Variants in LRRTM4 observed in about 807,000 individuals in gnomAD.
LRRTM4 encodes the protein leucine rich repeat transmembrane neuronal 4, also known as leucine-rich repeat transmembrane neuronal protein 4.
A neutral mutation model predicts 47.6 loss-of-function variants in LRRTM4; 25 were observed. That is an observed-to-expected ratio of 0.53 (90% confidence interval 0.38 to 0.73). The LOEUF is 0.73. Ranked by LOEUF, LRRTM4 falls within the 30% of genes least tolerant of loss-of-function variation. The probability of loss-of-function intolerance (pLI) is 0.00; values close to 1 mark genes in which losing one functional copy is unlikely to be tolerated. For missense variants in LRRTM4, 638 were observed against 713.4 expected (o/e 0.89, Z 1.20); for synonymous variants, 311 against 269.5 (o/e 1.15, Z -1.51).
chr2:77,346,335 T>G (rs548066764), intron 3 of LRRTM4, among the ~76,000 whole-genome samples: 115 of 152,248 alleles, frequency 7.6e-4, no homozygotes, highest in Middle Eastern at 3.4e-3. Context: ...AGATAATTCA[T>G]AGAAAACTAA....
chr2:76,781,630 A>ACCCACTGACCTGCG (rs1674398107), intron 3 of LRRTM4, among the ~76,000 whole-genome samples: 1 of 152,170 alleles, frequency 6.6e-6, no homozygotes, highest in African/African-American at 2.4e-5. Flanking sequence ...TGGTGCGCGC[A>ACCCACTGACCTGCG]CCCACTGACC....
intron 3 of LRRTM4, among the ~76,000 whole-genome samples, chr2:76,798,325 C>G (rs900802634): frequency 2.0e-5 from 3 of 152,116 alleles, no homozygotes; most frequent in Admixed American, 6.5e-5. Flanking sequence ...TACATGGAAA[C>G]TGAACAACCT....
At position 77,457,007 on chromosome 2, in the gene LRRTM4, T is replaced by C. The variant is rs1325327420; in HGVS notation, c.1551+61311A>G. 7.0e-3 allele frequency among the ~76,000 whole-genome samples: 30 copies of C among 4,300 alleles called. 1 individual carries two copies. The highest frequency in any genetic ancestry group is 0.029 in the African/African-American group (30 of 1,024). 2.8% of individuals were successfully genotyped at this position (4,300 alleles called of 152,430 possible). A position where few individuals can be genotyped will look rare whatever the true frequency, so the allele number is the denominator to read the frequency against. ...ATATTAGTGTATGTGTGTGTGTGTA[T>C]ATATATATATATATATATATATATA... On this transcript the variant is annotated intron_variant, in intron 3 of 3. Transcript: ENST00000409884.
intron 3 of LRRTM4, among the ~76,000 whole-genome samples, chr2:77,188,998 C>A (rs940065725): frequency 6.6e-6 from 1 of 152,088 alleles, no homozygotes; most frequent in African/African-American, 2.4e-5. Context: ...ATTTTATGAA[C>A]ATGGAAGCCA....
At chr2:77,466,907 C>T (rs1207977070) in intron 3 of LRRTM4, among the ~76,000 whole-genome samples, 2 of 151,900 alleles carry the variant, frequency 1.3e-5, no homozygotes, top group Non-Finnish European at 1.5e-5. Flanking sequence ...CCATGTTGGC[C>T]AGGCTGGTCT....
chr2:76,934,694 G>A (rs1385423555), intron 3 of LRRTM4, among the ~76,000 whole-genome samples: 5 of 152,308 alleles, frequency 3.3e-5, no homozygotes, highest in African/African-American at 9.6e-5. Flanking sequence ...AAACTGGCAT[G>A]AGTTGGAAAC....
At chr2:77,299,739 G>A (rs1202266428) in intron 3 of LRRTM4, among the ~76,000 whole-genome samples, 1 of 151,510 alleles carries the variant, frequency 6.6e-6, no homozygotes, top group African/African-American at 2.4e-5. Context: ...TCCATCATAA[G>A]TTATTGAAAA....
intron 3 of LRRTM4, among the ~76,000 whole-genome samples, chr2:77,048,690 G>C (rs1188504924): frequency 6.6e-6 from 1 of 151,304 alleles, no homozygotes; most frequent in East Asian, 1.9e-4. Context: ...GTGATATTTT[G>C]ATACATGCAT....
intron 3 of LRRTM4, among the ~76,000 whole-genome samples, chr2:76,802,236 CA>C (rs60771411): frequency 0.43 from 59,291 of 139,140 alleles, 12,519 homozygotes; most frequent in East Asian, 0.65. Flanking sequence ...AAGACTCCAC[CA>C]AAAAAAAAAA....
chr2:76,843,309 A>G (rs538367509), intron 3 of LRRTM4, among the ~76,000 whole-genome samples: 1 of 152,190 alleles, frequency 6.6e-6, no homozygotes, highest in Non-Finnish European at 1.5e-5. Context: ...CTTATATTAA[A>G]TGTATATTCC....
intron 3 of LRRTM4, among the ~76,000 whole-genome samples, chr2:76,954,847 T>G (rs1192582440): frequency 6.6e-6 from 1 of 151,716 alleles, no homozygotes. Context: ...CATAAGACTA[T>G]CAGTGATTTA....
chr2:77,375,746 T>C (rs1463459824), intron 3 of LRRTM4, among the ~76,000 whole-genome samples: 1 of 151,782 alleles, frequency 6.6e-6, no homozygotes, highest in Non-Finnish European at 1.5e-5. Flanking sequence ...TGATCACTGT[T>C]GTTGCATACG....
chr2:76,894,903 C>G (rs1460848850), intron 3 of LRRTM4, among the ~76,000 whole-genome samples: 3 of 151,012 alleles, frequency 2.0e-5, no homozygotes, highest in Non-Finnish European at 4.4e-5. Context: ...CTGCACATAG[C>G]TATACTAGAT....
intron 3 of LRRTM4, among the ~76,000 whole-genome samples, chr2:77,356,300 C>T (rs1368379185): frequency 2.0e-5 from 3 of 151,992 alleles, no homozygotes; most frequent in Admixed American, 2.0e-4. Flanking sequence ...TTGGAGATTC[C>T]AGAAGTAACC....
intron 3 of LRRTM4, among the ~76,000 whole-genome samples, chr2:76,835,179 T>G (rs936610082): frequency 2.6e-5 from 4 of 152,130 alleles, no homozygotes; most frequent in Non-Finnish European, 4.4e-5. Context: ...GCTCATTCTT[T>G]AAAGTATAAT....
intron 3 of LRRTM4, among the ~76,000 whole-genome samples, chr2:76,810,000 C>G (rs929268667): frequency 6.6e-6 from 1 of 152,166 alleles, no homozygotes; most frequent in Non-Finnish European, 1.5e-5. Context: ...GTTCTCCATT[C>G]TGCTTTACAT....
At position 77,519,788 on chromosome 2, in the gene LRRTM4, G is replaced by A. The variant is rs1338764722; in HGVS notation, c.81C>T (p.Leu27=). The A allele has an allele frequency of 2.5e-6, 4 of 1,613,056 alleles. No homozygotes were observed. In the South Asian group the frequency reaches 3.3e-5, roughly 13 times the overall value. ...TTGGGCAAGCTCTCTGAGCACCCGT[G>A]AGCATAACAAGCAGCAGTGTAGGAA... ...VLLPTLLLVM[L]TGAQRACPKN... Residue 27 remains leucine (L), a synonymous_variant, in exon 3 of 4, where the codon CTC becomes CTT. Transcript: ENST00000409884. The surrounding 1 kb of genome is among the most constrained non-coding windows in gnomAD (Gnocchi z 4.6).
intron 3 of LRRTM4, among the ~76,000 whole-genome samples, chr2:77,001,715 A>T (rs1219896597): frequency 2.0e-5 from 3 of 152,124 alleles, no homozygotes; most frequent in Admixed American, 2.0e-4. Flanking sequence ...ATTGCGAGAG[A>T]CACTGAAGGA....
chr2:76,756,299 C>T (rs918956527), intron 3 of LRRTM4, among the ~76,000 whole-genome samples: 2 of 152,056 alleles, frequency 1.3e-5, no homozygotes, highest in African/African-American at 4.8e-5. Context: ...CCCTGGCTTC[C>T]GTATATTCTG....
Sources: allele counts gnomAD v4.1 joint callset (sites outside exome capture counted in the v4.1 genomes callset), GRCh38; gene constraint gnomAD v4.1.1; non-coding constraint Gnocchi (gnomAD v3.1); transcripts MANE v1.5; gene names NCBI Gene and HGNC (gene_info 2026-07-23, HGNC 2026-07-21).